The following PCDH15 variants were observed in gnomAD, a reference collection of about 807,000 sequenced individuals.
The protein encoded by PCDH15 is protocadherin-15.
A neutral mutation model predicts 178.5 loss-of-function variants in PCDH15; 129 were observed. The ratio of observed to expected loss-of-function variants is 0.72; its 90% CI spans 0.63 to 0.84. The LOEUF is 0.84. Ranked by LOEUF, PCDH15 falls within the 40% of genes least tolerant of loss-of-function variation. The pLI is 0.00. For missense variants in PCDH15, 2,230 were observed against 2,099.9 expected, an observed-to-expected ratio of 1.06 and a Z score of -1.21; for synonymous variants, 800 against 732.0, an observed-to-expected ratio of 1.09 and a Z score of -1.50.
intron 4 of PCDH15, among the ~76,000 whole-genome samples, chr10:54,373,729 G>A (rs1274274695): frequency 6.6e-6 from 1 of 151,938 alleles, no homozygotes; most frequent in Non-Finnish European, 1.5e-5. Context: ...CATAAATAAA[G>A]TCAGTCAAAA....
intron 2 of PCDH15, among the ~76,000 whole-genome samples, chr10:55,406,326 A>G (rs1289658428): frequency 6.6e-6 from 1 of 152,192 alleles, no homozygotes; most frequent in Non-Finnish European, 1.5e-5. Flanking sequence ...TGTTGAGTAG[A>G]GGAGAACCAG....
At chr10:54,488,410 G>A (rs73258121) in intron 3 of PCDH15, among the ~76,000 whole-genome samples, 1,550 of 151,384 alleles carry the variant, frequency 0.01, 23 homozygotes, top group African/African-American at 0.036. Context: ...ACTTAGGGCC[G>A]TGTTTGAAAA....
At chr10:54,919,580 AC>A (rs879745935) in intron 2 of PCDH15, among the ~76,000 whole-genome samples, 1 of 151,966 alleles carries the variant, frequency 6.6e-6, no homozygotes, top group Non-Finnish European at 1.5e-5. Flanking sequence ...CATTACCCTT[AC>A]TGTACAGTTC....
chr10:55,303,445 T>C (rs1333403287), intron 1 of PCDH15, among the ~76,000 whole-genome samples: 2 of 152,184 alleles, frequency 1.3e-5, no homozygotes, highest in Non-Finnish European at 2.9e-5. Flanking sequence ...CATTGTGGAC[T>C]AACAGTCCAA....
At chr10:53,966,158 C>T (rs1359399069) in intron 21 of PCDH15, among the ~76,000 whole-genome samples, 2 of 152,044 alleles carry the variant, frequency 1.3e-5, no homozygotes, top group Non-Finnish European at 2.9e-5. Context: ...CATCAATAAA[C>T]TTTTTATTCT....
At chr10:54,028,069 T>C (rs1449286978) in intron 18 of PCDH15, among the ~76,000 whole-genome samples, 1 of 151,244 alleles carries the variant, frequency 6.6e-6, no homozygotes, top group African/African-American at 2.4e-5. Flanking sequence ...ATCCAGAATC[T>C]ACAATGAACT....
chr10:54,408,968 C>T (rs565665776), intron 3 of PCDH15, among the ~76,000 whole-genome samples: 25 of 152,142 alleles, frequency 1.6e-4, no homozygotes, highest in Non-Finnish European at 2.9e-4. Flanking sequence ...CCATAATTCC[C>T]TCATGTTGTG....
chr10:54,337,071 T>A (rs1197003392), intron 6 of PCDH15, among the ~76,000 whole-genome samples: 1 of 151,990 alleles, frequency 6.6e-6, no homozygotes, highest in Middle Eastern at 3.4e-3. Context: ...TATAGGGCCT[T>A]TAGACCCTTT....
intron 2 of PCDH15, among the ~76,000 whole-genome samples, chr10:55,122,637 T>C (rs1441860927): frequency 2.6e-5 from 4 of 152,108 alleles, no homozygotes; most frequent in Admixed American, 6.6e-5. Flanking sequence ...AAGTCAATGA[T>C]AGAAAACATA....
chr10:54,608,169 C>T (rs928733304), intron 2 of PCDH15, among the ~76,000 whole-genome samples: 1 of 151,772 alleles, frequency 6.6e-6, no homozygotes, highest in Non-Finnish European at 1.5e-5. Context: ...GCAAACACTT[C>T]GCTCAATAAA....
intron 2 of PCDH15, among the ~76,000 whole-genome samples, chr10:55,069,147 C>G (rs967719088): frequency 4.6e-5 from 7 of 151,146 alleles, no homozygotes; most frequent in African/African-American, 1.7e-4. Flanking sequence ...CTGATGTGAT[C>G]CACCCACCTT....
At chr10:54,415,921 G>A (rs1954287642) in intron 3 of PCDH15, among the ~76,000 whole-genome samples, 2 of 152,058 alleles carry the variant, frequency 1.3e-5, no homozygotes, top group Admixed American at 1.3e-4. Context: ...AAAATATAAA[G>A]TGAATTTAAG....
intron 8 of PCDH15, among the ~76,000 whole-genome samples, chr10:54,290,857 T>C (rs959803889): frequency 6.6e-6 from 1 of 152,174 alleles, no homozygotes; most frequent in Non-Finnish European, 1.5e-5. Flanking sequence ...CTATCCTAAA[T>C]ATATATGCAC....
At chr10:53,840,520 C>G in intron 28 of PCDH15, 24 bp from the exon 29 acceptor site, 1 of 1,602,578 alleles carries the variant, frequency 6.2e-7, no homozygotes, top group Non-Finnish European at 8.5e-7. Flanking sequence ...AAAGTACAAA[C>G]ATGACAGTCC....
intron 2 of PCDH15, among the ~76,000 whole-genome samples, chr10:54,534,591 G>A (rs10509014): frequency 0.015 from 2,314 of 152,118 alleles, 56 homozygotes; most frequent in African/African-American, 0.052. Context: ...TATCTGTTTC[G>A]TTATTCAGAG....
intron 1 of PCDH15, among the ~76,000 whole-genome samples, chr10:54,778,167 C>T (rs891265055): frequency 1.2e-4 from 19 of 152,134 alleles, no homozygotes; most frequent in African/African-American, 4.6e-4. Flanking sequence ...GAGAATGTTG[C>T]TAACACAAAT....
intron 26 of PCDH15, among the ~76,000 whole-genome samples, chr10:53,897,673 T>A (rs897833138): frequency 6.6e-6 from 1 of 152,076 alleles, no homozygotes; most frequent in African/African-American, 2.4e-5. Flanking sequence ...AGAGTAGCCA[T>A]TAAACAACAG....
intron 15 of PCDH15, among the ~76,000 whole-genome samples, chr10:54,092,195 C>G (rs2094610348): frequency 1.3e-5 from 2 of 152,144 alleles, no homozygotes; most frequent in Non-Finnish European, 1.5e-5. Context: ...CTCTTACATT[C>G]CAATGCAACC....
intron 3 of PCDH15, among the ~76,000 whole-genome samples, chr10:54,843,182 T>C (rs371280290): frequency 1.1e-3 from 163 of 152,062 alleles, no homozygotes; most frequent in African/African-American, 3.6e-3. Flanking sequence ...TTGTATCGTT[T>C]GGCTTCATGA....
Sources: allele counts gnomAD v4.1 joint callset (sites outside exome capture counted in the v4.1 genomes callset), GRCh38; gene constraint gnomAD v4.1.1; transcripts MANE v1.5; gene names NCBI Gene and HGNC (gene_info 2026-07-23, HGNC 2026-07-21).